BOD1L1: variants seen among roughly 807,000 people sequenced by gnomAD.
BOD1L1 encodes the protein biorientation of chromosomes in cell division 1 like 1.
BOD1L1 carries 86 observed loss-of-function variants against 240.7 expected under a neutral mutation model. The ratio of observed to expected loss-of-function variants is 0.36; its 90% CI spans 0.30 to 0.43. The LOEUF (loss-of-function observed/expected upper bound fraction) is 0.43, where lower values mean the gene tolerates loss of function less well. Ranked by LOEUF, BOD1L1 falls within the 20% of genes least tolerant of loss-of-function variation. The pLI, the probability that BOD1L1 is intolerant of heterozygous loss-of-function variation, is 1.00. For missense variants in BOD1L1, 3,554 were observed against 3,643.5 expected, an observed-to-expected ratio of 0.98 and a Z score of 0.63; for synonymous variants, 1,268 against 1,272.3, an observed-to-expected ratio of 1.00 and a Z score of 0.07.
rs185487091 is a variant in BOD1L1 at position 13,611,775 on chromosome 4, G to T, written c.1325-675C>A. On this transcript the variant is annotated intron_variant, in intron 5 of 25. Transcript: ENST00000040738. ...CATTGTTAAGTTCAACAAATCCACT[G>T]GAAGTTGTAGTTTAAAATAAACTTG... Among the ~76,000 whole-genome samples, 1,022 of 152,222 alleles carry T rather than the reference G, an allele frequency of 6.7e-3. 6 individuals carry two copies. Among genetic ancestry groups the T allele is most frequent in the Non-Finnish European group, 0.011 (744 of 68,008 alleles).
intron 25 of BOD1L1, among the ~76,000 whole-genome samples, chr4:13,573,466 A>ATCTT (rs1476265494): frequency 6.0e-4 from 66 of 109,962 alleles, no homozygotes; most frequent in African/African-American, 1.3e-3. Flanking sequence ...CTATCTATCT[A>ATCTT]TCTATCTTTC....
At chr4:13,573,068 T>A (rs1409996049) in intron 25 of BOD1L1, among the ~76,000 whole-genome samples, 1 of 152,130 alleles carries the variant, frequency 6.6e-6, no homozygotes, top group East Asian at 1.9e-4. Flanking sequence ...CATGATATTT[T>A]ATTGTGATTT....
rs527746471 is a variant in BOD1L1 at position 13,604,119 on chromosome 4, T to G, written c.2781A>C (p.Glu927Asp). 7.4e-6 allele frequency: 12 copies of G among 1,613,716 alleles called. No individual in the cohort carries two copies. The highest frequency in any genetic ancestry group is 8.5e-6 in the Non-Finnish European group (10 of 1,179,854). ...QGKQVKVVET[E>D]LQEGATKQAT... ...CCTGTTTTGTGGCACCTTCTTGTAA[T>G]TCTGTTTCTACAACTTTTACCTGTT... Residue 927 changes from glutamate to aspartate, a missense_variant, in exon 10 of 26, where the codon GAA (glutamate) becomes GAC (aspartate). Glu to Asp is a conservative substitution (Grantham distance 45). This residue lies in a region of BOD1L1 where 3,393 missense variants were observed against 3,427.1 expected (regional missense o/e 0.99). Transcript: ENST00000040738.
rs1716308483 is a variant in BOD1L1 at position 13,613,056 on chromosome 4, T to C, written c.1324+456A>G. Among the ~76,000 whole-genome samples the C allele has an allele frequency of 6.6e-6, 1 of 152,186 alleles. No homozygotes were observed. Among genetic ancestry groups the C allele is most frequent in the South Asian group, 2.1e-4 (1 of 4,834 alleles). On this transcript the variant is annotated intron_variant, in intron 5 of 25. Transcript: ENST00000040738. The surrounding 1 kb of genome is among the most constrained non-coding windows in gnomAD (Gnocchi z 4.0). ...TTGGCTGATTTTAATCTGAGCACCT[T>C]AACTGTAAACAACCATAGCTGTGAG... is the stretch of plus-strand genomic sequence containing the variant.
At chr4:13,598,788 TGA>T (rs965801500) in intron 10 of BOD1L1, among the ~76,000 whole-genome samples, 156 bp downstream of exon 10, 3 of 152,216 alleles carry the variant, frequency 2.0e-5, no homozygotes, top group African/African-American at 4.8e-5. Flanking sequence ...TCAAGTTTGA[TGA>T]GAGTTATTTT....
rs760043362 is a variant in BOD1L1 at position 13,600,836 on chromosome 4, C to T, written c.6064G>A (p.Ala2022Thr). The T allele has an allele frequency of 3.7e-6, 6 of 1,613,782 alleles. No homozygotes were observed. The highest frequency in any genetic ancestry group is 5.1e-6 in the Non-Finnish European group (6 of 1,179,776). ...VSGEVPECEV[A>T]HTSPSEKEDE... ...TCTTTTTCACTTGGTGATGTGTGAG[C>T]AACTTCACATTCTGGGACTTCACCA... The change falls in exon 10 of 26, where the codon GCT (alanine) becomes ACT (threonine). Residue 2022 changes from alanine to threonine, a missense_variant. Transcript: ENST00000040738.
chr4:13,580,990 T>C (rs771086452), intron 21 of BOD1L1, 30 bp downstream of exon 21: 22 of 1,558,810 alleles, frequency 1.4e-5, no homozygotes, highest in Non-Finnish European at 1.7e-5. Flanking sequence ...GAGCAAGTAT[T>C]TGAAATTGTC....
chr4:13,572,097 GA>G (rs1712256863), intron 25 of BOD1L1, among the ~76,000 whole-genome samples: 1 of 152,170 alleles, frequency 6.6e-6, no homozygotes, highest in Non-Finnish European at 1.5e-5. Flanking sequence ...TAAATAAAAG[GA>G]ATATACCAAA....
At chr4:13,596,055 C>A in intron 11 of BOD1L1, 111 bp from the exon 12 acceptor site, 1 of 847,508 alleles carries the variant, frequency 1.2e-6, no homozygotes. Context: ...AATATAAAAG[C>A]CTATTTTCAA....
Position 13,573,494 on chromosome 4 carries a change from TTTGAGAAAGAGCCTCTATCTATCTA to T in BOD1L1, c.9038+3319_9038+3343del, listed in dbSNP as rs1275908666. On this transcript the variant is annotated intron_variant, in intron 25 of 25. Transcript: ENST00000040738. ...TATCTTTCTTTCTTTCTTTCTTTCT[TTTGAGAAAGAGCCTCTATCTATCTA>T]TCTTTCTTTCTTTCTTTCTTTTGAG... Among the ~76,000 whole-genome samples the T allele has an allele frequency of 2.4e-3, 303 of 126,782 alleles. 1 individual carries two copies. Among genetic ancestry groups the T allele is most frequent in the African/African-American group, 7.4e-3 (276 of 37,458 alleles). 83.2% of individuals were successfully genotyped at this position (126,782 alleles called of 152,430 possible).
At position 13,584,468 on chromosome 4, in the gene BOD1L1, G is replaced by GTC. The variant is rs982970555; in HGVS notation, c.8434-1733_8434-1732insGA. Among the ~76,000 whole-genome samples, 156 of 150,690 alleles carry GTC rather than the reference G, an allele frequency of 1.0e-3. 5 individuals are homozygous for GTC. In the East Asian group the frequency reaches 0.029, roughly 28 times the overall value. ...TGTGTGTGTGTGTGTGTGTGTGTGT[G>GTC]TGTGTGTGTGTGTGTTGGAGCGAGT... On this transcript the variant is annotated intron_variant, in intron 17 of 25. Coordinates refer to ENST00000040738, the MANE Select transcript of BOD1L1 (RefSeq NM_148894.3).
chr4:13,599,718 T>C lies in BOD1L1; in HGVS notation c.7182A>G (p.Lys2394=). Residue 2394 remains lysine, a synonymous_variant, in exon 10 of 26, where the codon AAA becomes AAG. Coordinates refer to ENST00000040738, the MANE Select transcript of BOD1L1 (RefSeq NM_148894.3). ...TCACTGCCAACACGGGACCCGGTTC[T>C]TTGCCTCCCCTGACTGGCCCAGGAC... ...CRCPGPVRGG[K]EPGPVLAVST... 1 of 1,613,796 alleles carries C rather than the reference T, an allele frequency of 6.2e-7. No homozygotes were observed. The highest frequency in any genetic ancestry group is 1.3e-5 in the African/African-American group (1 of 75,042).
At chr4:13,584,645 T>A (rs796336473) in intron 17 of BOD1L1, among the ~76,000 whole-genome samples, 3 of 152,292 alleles carry the variant, frequency 2.0e-5, no homozygotes, top group African/African-American at 7.2e-5. Flanking sequence ...AACTGGCTCT[T>A]TCAGAGCCAA....
At position 13,603,407 on chromosome 4, in the gene BOD1L1, C is replaced by T; in HGVS notation, c.3493G>A (p.Asp1165Asn). 1 of 1,613,604 alleles carries T rather than the reference C, an allele frequency of 6.2e-7. No homozygotes were observed. Among genetic ancestry groups the T allele is most frequent in the East Asian group, 2.2e-5 (1 of 44,882 alleles). The stretch of plus-strand genomic sequence containing the variant: ...TCTGCTGTGCAAGTTCTCAATTCAT[C>T]CTTTTGAACAGTGGCAGAAGTTTTT... ...KQKTSATVQK[D>N]ELRTCTADSK... The change falls in exon 10 of 26, where the codon GAT (aspartate) becomes AAT (asparagine). Residue 1165 changes from aspartate to asparagine, a missense_variant. Asp to Asn is a conservative substitution (Grantham distance 23). Coordinates refer to ENST00000040738, the MANE Select transcript of BOD1L1 (RefSeq NM_148894.3).
chr4:13,617,305 T>C (rs1222349119), intron 2 of BOD1L1, among the ~76,000 whole-genome samples: 1 of 151,274 alleles, frequency 6.6e-6, no homozygotes, highest in Non-Finnish European at 1.5e-5. Flanking sequence ...AACTATCCAC[T>C]CCCAAATTTT....
intron 1 of BOD1L1, among the ~76,000 whole-genome samples, chr4:13,621,353 C>T (rs144025200): frequency 6.6e-6 from 1 of 152,336 alleles, no homozygotes; most frequent in African/African-American, 2.4e-5. Context: ...CTTTTAGCTT[C>T]AAAGTTTACA....
Position 13,601,249 on chromosome 4 carries a change from G to A in BOD1L1, c.5651C>T (p.Ser1884Leu), listed in dbSNP as rs1715130364. ...TGRGNEIGHA[S>L]TCTGLGEESE... The stretch of plus-strand genomic sequence containing the variant: ...TTCTTCTCCTAACCCTGTACAAGTT[G>A]AAGCATGCCCAATTTCATTTCCTCT... Residue 1884 changes from serine (S) to leucine (L), a missense_variant, in exon 10 of 26, where the codon TCA becomes TTA. By Grantham distance (145) the Ser-to-Leu change is moderately radical. Around this residue, in one of 2 missense-constraint regions of BOD1L1, gnomAD observed 3,393 missense variants for 3,427.1 expected, o/e 0.99. Coordinates refer to ENST00000040738, the MANE Select transcript of BOD1L1 (RefSeq NM_148894.3). 1 of 1,613,878 alleles carries A rather than the reference G, an allele frequency of 6.2e-7. No individual in the cohort carries two copies. Among genetic ancestry groups the A allele is most frequent in the Non-Finnish European group, 8.5e-7 (1 of 1,179,886 alleles).
chr4:13,612,116 T>G (rs1716216607), intron 5 of BOD1L1, among the ~76,000 whole-genome samples: 1 of 152,128 alleles, frequency 6.6e-6, no homozygotes, highest in African/African-American at 2.4e-5. Context: ...AGAGCTGACC[T>G]CATGAGGACA....
At chr4:13,610,561 G>A (rs892832812) in intron 6 of BOD1L1, among the ~76,000 whole-genome samples, 1 of 152,158 alleles carries the variant, frequency 6.6e-6, no homozygotes, top group Non-Finnish European at 1.5e-5. Context: ...GAAAAACATT[G>A]TATCGAATAC....
Sources: allele counts gnomAD v4.1 joint callset (sites outside exome capture counted in the v4.1 genomes callset), GRCh38; gene constraint gnomAD v4.1.1; regional missense constraint gnomAD v4.1.1; non-coding constraint Gnocchi (gnomAD v3.1); transcripts MANE v1.5; gene names NCBI Gene and HGNC (gene_info 2026-07-23, HGNC 2026-07-21).